The following DLC1 variants were observed in gnomAD, a reference collection of about 807,000 sequenced individuals.
DLC1 encodes DLC1 Rho GTPase activating protein.
A neutral mutation model predicts 140.3 loss-of-function variants in DLC1; 54 were observed. The observed-to-expected ratio is 0.38, with a 90% confidence interval of 0.31 to 0.48. The LOEUF (loss-of-function observed/expected upper bound fraction) is 0.48. Ranked by LOEUF, DLC1 falls within the 20% of genes least tolerant of loss-of-function variation. The pLI is 0.96. For missense variants in DLC1, 2,536 were observed against 1,907.0 expected (o/e 1.33, Z -6.14); for synonymous variants, 986 against 728.1 (o/e 1.35, Z -5.70).
At chr8:13,450,540 A>G (rs1304868698) in intron 2 of DLC1, among the ~76,000 whole-genome samples, 2 of 151,224 alleles carry the variant, frequency 1.3e-5, no homozygotes, top group Admixed American at 1.3e-4. Context: ...TAGAAAGCTT[A>G]TTTTGAAAAC....
chr8:13,589,949 G>A (rs1805461892), intron 1 of DLC1, among the ~76,000 whole-genome samples: 1 of 151,558 alleles, frequency 6.6e-6, no homozygotes, highest in Non-Finnish European at 1.5e-5. Context: ...GTGTATTATA[G>A]TATTATTGTT....
intron 5 of DLC1, among the ~76,000 whole-genome samples, chr8:13,131,725 G>T (rs761115980): frequency 1.3e-5 from 2 of 152,106 alleles, no homozygotes; most frequent in African/African-American, 4.8e-5. Flanking sequence ...CAACCTCCCC[G>T]CGCGGAGGTA....
intron 5 of DLC1, among the ~76,000 whole-genome samples, chr8:13,225,508 G>C (rs879468586): frequency 6.6e-6 from 1 of 152,166 alleles, no homozygotes; most frequent in Non-Finnish European, 1.5e-5. Flanking sequence ...TAGCACATGG[G>C]AGAAGAGGTC....
At chr8:13,503,109 A>C (rs1801893425) in intron 1 of DLC1, among the ~76,000 whole-genome samples, 2 of 152,226 alleles carry the variant, frequency 1.3e-5, no homozygotes, top group Admixed American at 6.5e-5. Flanking sequence ...ATATACATTA[A>C]AGTTGAACAA....
intron 2 of DLC1, among the ~76,000 whole-genome samples, chr8:13,446,802 C>T (rs781154771): frequency 4.6e-5 from 7 of 152,026 alleles, no homozygotes; most frequent in African/African-American, 1.4e-4. Flanking sequence ...ATTAGCCAGG[C>T]GTGGTGGTGG....
intron 5 of DLC1, among the ~76,000 whole-genome samples, chr8:13,290,637 TAAG>T (rs373918235): frequency 6.2e-4 from 95 of 152,316 alleles, no homozygotes; most frequent in African/African-American, 2.1e-3. Flanking sequence ...GCCAGCCTTA[TAAG>T]AAGTTCGGAT....
In DLC1 at chr8:13,537,938, G is replaced by A. The variant is rs569735012; in HGVS notation, c.-125-37742C>T. On this transcript the variant is annotated intron_variant, in intron 1 of 1. Transcript: ENST00000631382. ...CAAAGTTCTGGGATTACAGGCGTGA[G>A]CCACCGCACCCGGCCAGCAACAGCT... Among the ~76,000 whole-genome samples, 24 of 152,210 alleles carry A rather than the reference G, an allele frequency of 1.6e-4. No individual in the cohort carries two copies. In the South Asian group the frequency reaches 1.7e-3, roughly 11 times the overall value.
At chr8:13,452,538 A>G (rs1329796232) in intron 2 of DLC1, among the ~76,000 whole-genome samples, 1 of 152,234 alleles carries the variant, frequency 6.6e-6, no homozygotes, top group African/African-American at 2.4e-5. Context: ...ACAAATAACT[A>G]TCATAGAACT....
chr8:13,413,277 T>TTTTTTTTTTTTTTTTTTTTTTG, intron 2 of DLC1, among the ~76,000 whole-genome samples: 1 of 146,116 alleles, frequency 6.8e-6, no homozygotes, highest in Non-Finnish European at 1.5e-5. Context: ...TTTTTTTTTT[T>TTTTTTTTTTTTTTTTTTTTTTG]AGCTCATCAA....
At chr8:13,537,272 G>A (rs527832439) in intron 1 of DLC1, among the ~76,000 whole-genome samples, 13 of 152,292 alleles carry the variant, frequency 8.5e-5, no homozygotes, top group African/African-American at 2.4e-4. Flanking sequence ...TTGTAGTTGT[G>A]TTCAGGTTCT....
chr8:13,426,826 C>T (rs557953090), intron 2 of DLC1, among the ~76,000 whole-genome samples: 1 of 152,216 alleles, frequency 6.6e-6, no homozygotes, highest in South Asian at 2.1e-4. Context: ...ACATTTGTCT[C>T]TCATCCTAGG....
chr8:13,599,772 A>G (rs977131227), intron 1 of DLC1, among the ~76,000 whole-genome samples: 1 of 151,992 alleles, frequency 6.6e-6, no homozygotes, highest in African/African-American at 2.4e-5. Context: ...GGACAAGTTG[A>G]TTCTCAATAG....
intron 5 of DLC1, among the ~76,000 whole-genome samples, chr8:13,166,141 G>A (rs1435905881): frequency 2.0e-5 from 3 of 152,084 alleles, no homozygotes; most frequent in Non-Finnish European, 4.4e-5. Context: ...TCAGAACCCT[G>A]GCATCTTTTT....
At chr8:13,198,337 T>C (rs1415016031) in intron 5 of DLC1, among the ~76,000 whole-genome samples, 3 of 152,158 alleles carry the variant, frequency 2.0e-5, no homozygotes, top group Non-Finnish European at 4.4e-5. Context: ...ATTGGTACCA[T>C]TTACAAAGGC....
At chr8:13,120,069 A>G (rs966035574) in intron 5 of DLC1, among the ~76,000 whole-genome samples, 18 of 151,974 alleles carry the variant, frequency 1.2e-4, no homozygotes, top group African/African-American at 3.9e-4. Flanking sequence ...CAGCTTGGGC[A>G]TGGTGGCTCA....
chr8:13,406,913 A>G (rs1348945854), intron 2 of DLC1, among the ~76,000 whole-genome samples: 1 of 152,204 alleles, frequency 6.6e-6, no homozygotes, highest in Middle Eastern at 3.2e-3. Flanking sequence ...ACTTGAGTCA[A>G]TGCTGTGATG....
intron 5 of DLC1, among the ~76,000 whole-genome samples, chr8:13,130,868 C>T (rs1031268853): frequency 1.3e-5 from 2 of 152,210 alleles, no homozygotes; most frequent in African/African-American, 4.8e-5. Flanking sequence ...GCAAACTTTT[C>T]AAAACAGCCA....
At chr8:13,383,465 A>C (rs1035498701) in intron 4 of DLC1, among the ~76,000 whole-genome samples, 1 of 152,312 alleles carries the variant, frequency 6.6e-6, no homozygotes, top group Non-Finnish European at 1.5e-5. Flanking sequence ...TTTATTTAAC[A>C]AAATCTTGAA....
At chr8:13,506,581 G>GTGTGTGTATA (rs1246764417) in intron 1 of DLC1, among the ~76,000 whole-genome samples, 13 of 131,142 alleles carry the variant, frequency 9.9e-5, no homozygotes, top group South Asian at 5.1e-4. Flanking sequence ...GTGTGTGTGT[G>GTGTGTGTATA]TATATATATA....
Sources: gnomAD v4.1 joint callset for allele counts (sites outside exome capture counted in the v4.1 genomes callset) on GRCh38, gnomAD v4.1.1 for gene constraint, MANE v1.5 for transcripts, NCBI Gene and HGNC (gene_info 2026-07-23, HGNC 2026-07-21) for gene names.